Variants in CYP27A1 observed in about 807,000 individuals in gnomAD.
The protein encoded by CYP27A1 is sterol 26-hydroxylase, mitochondrial.
In CYP27A1, 46 loss-of-function variants were observed where a neutral mutation model predicts 58.2. The observed-to-expected ratio is 0.79, with a 90% confidence interval of 0.62 to 1.01. The LOEUF is 1.01. Among genes scored for constraint, CYP27A1 ranks in the 50% least tolerant of loss-of-function variants. The pLI is 0.00. For synonymous variants in CYP27A1, 274 were observed against 285.1 expected (o/e 0.96, Z 0.39); for missense variants, 704 against 687.0 (o/e 1.02, Z -0.28).
chr2:218,793,480 CCT>C (rs1253289778), intron 1 of CYP27A1, among the ~76,000 whole-genome samples: 1 of 152,124 alleles, frequency 6.6e-6, no homozygotes, highest in Admixed American at 6.6e-5. Flanking sequence ...TCTCTTCTTT[CCT>C]CTCTCTTTTT....
chr2:218,799,987 T>A (rs2105975183), intron 1 of CYP27A1, among the ~76,000 whole-genome samples: 1 of 152,264 alleles, frequency 6.6e-6, no homozygotes, highest in African/African-American at 2.4e-5. Context: ...GTCCTGTTCA[T>A]CTTGACGGGG....
Position 218,814,948 on chromosome 2 carries a change from C to T in CYP27A1, c.1514C>T (p.Thr505Met), listed in dbSNP as rs76822427. The change falls in exon 9 of 9, where the codon ACG (threonine) becomes ATG (methionine). Residue 505 changes from threonine (T) to methionine (M), a missense_variant. Physicochemically the swap from Thr to Met is moderately conservative, Grantham distance 81. Coordinates refer to ENST00000258415, the MANE Select transcript of CYP27A1 (RefSeq NM_000784.4). ...TACAAGGTGGTCCTGGCCCCGGAGA[C>T]GGGGGAGTTGAAGAGTGTGGCCCGC... ...QKYKVVLAPETGELKSVARIV... is the reference protein window; with the variant it reads ...QKYKVVLAPEMGELKSVARIV... 67 of 1,614,104 alleles carry T rather than the reference C, an allele frequency of 4.2e-5. No individual in the cohort carries two copies. The highest frequency in any genetic ancestry group is 2.5e-4 in the South Asian group (23 of 91,090).
intron 1 of CYP27A1, among the ~76,000 whole-genome samples, chr2:218,789,984 T>C (rs563526055): frequency 2.0e-5 from 3 of 152,320 alleles, no homozygotes; most frequent in Admixed American, 2.0e-4. Flanking sequence ...AAAGTCTTAG[T>C]TTGATTATGT....
intron 1 of CYP27A1, among the ~76,000 whole-genome samples, chr2:218,798,074 C>T (rs1201511886): frequency 6.6e-6 from 1 of 151,356 alleles, no homozygotes; most frequent in Non-Finnish European, 1.5e-5. Context: ...GTGATCTCGG[C>T]TCACTGTAAC....
intron 1 of CYP27A1, among the ~76,000 whole-genome samples, chr2:218,795,614 A>G (rs1311231516): frequency 6.6e-6 from 1 of 152,182 alleles, no homozygotes; most frequent in East Asian, 1.9e-4. Flanking sequence ...CCAGATTTTT[A>G]CATTATCCAT....
rs766165503 is a variant in CYP27A1 at position 218,815,067 on chromosome 2, C to A, written c.*37C>A. ...GCCTTGCTGGGGCTTGTCCTAGAGG[C>A]TCCAGCTCTGGCACAGTGGTTCCTG... On this transcript the variant is annotated 3_prime_UTR_variant, in exon 9 of 9. Transcript: ENST00000258415. The A allele has an allele frequency of 2.5e-6, 4 of 1,613,686 alleles. No individual in the cohort carries two copies. In the Admixed American group the frequency reaches 5.0e-5, roughly 20 times the overall value.
intron 1 of CYP27A1, among the ~76,000 whole-genome samples, chr2:218,794,919 A>T (rs1398058961): frequency 6.6e-6 from 1 of 152,212 alleles, no homozygotes; most frequent in Non-Finnish European, 1.5e-5. Flanking sequence ...TATCTGGGGT[A>T]CATGAAGAAG....
At chr2:218,811,053 A>G (rs775589771) in intron 2 of CYP27A1, among the ~76,000 whole-genome samples, 1 of 152,214 alleles carries the variant, frequency 6.6e-6, no homozygotes, top group Non-Finnish European at 1.5e-5. Context: ...CAGGAGGCTG[A>G]GGCAGGAGAA....
chr2:218,790,498 C>T (rs1260328398), intron 1 of CYP27A1, among the ~76,000 whole-genome samples: 1 of 152,114 alleles, frequency 6.6e-6, no homozygotes, highest in Non-Finnish European at 1.5e-5. Context: ...TTGTTAATCC[C>T]CTACAACTGA....
intron 1 of CYP27A1, among the ~76,000 whole-genome samples, chr2:218,796,422 C>T (rs998450698): frequency 1.3e-5 from 2 of 152,072 alleles, no homozygotes; most frequent in African/African-American, 4.8e-5. Flanking sequence ...GTGAAACCCC[C>T]GTCTCTACTA....
chr2:218,791,233 A>G (rs1943489949), intron 1 of CYP27A1, among the ~76,000 whole-genome samples: 1 of 152,230 alleles, frequency 6.6e-6, no homozygotes, highest in Admixed American at 6.5e-5. Flanking sequence ...ACCTCCTGGC[A>G]ATGATCTTTT....
At position 218,814,740 on chromosome 2, in the gene CYP27A1, C is replaced by T. The variant is rs1943770060; in HGVS notation, c.1459C>T (p.Gln487Ter). The T allele has an allele frequency of 6.2e-7, 1 of 1,614,132 alleles. No individual in the cohort carries two copies. Among genetic ancestry groups the T allele is most frequent in the Non-Finnish European group, 8.5e-7 (1 of 1,180,040 alleles). The change falls in exon 8 of 9, where the codon CAG becomes TAG. Residue 487 changes from glutamine to a stop codon, truncating the protein, a stop_gained. Transcript: ENST00000258415. LOFTEE classifies it high-confidence loss of function. ...LGRRIAELEM[Q>*]LLLARLIQKY... ...CCGCAGGATTGCAGAGCTGGAGATG[C>T]AGCTACTCCTCGCAAGGGTGAGCTG...
At chr2:218,798,877 G>C (rs1943572852) in intron 1 of CYP27A1, among the ~76,000 whole-genome samples, 1 of 135,722 alleles carries the variant, frequency 7.4e-6, no homozygotes, top group Non-Finnish European at 1.6e-5. Context: ...AGCGAGACTT[G>C]ATCTCAAAAA....
At position 218,814,426 on chromosome 2, in the gene CYP27A1, A is replaced by T. The variant is rs1943764288; in HGVS notation, c.1231A>T (p.Ile411Phe). 1 of 1,614,236 alleles carries T rather than the reference A, an allele frequency of 6.2e-7. No individual in the cohort carries two copies. The highest frequency in any genetic ancestry group is 8.5e-7 in the Non-Finnish European group (1 of 1,180,034). ...AAACTCCCGGATCATAGAAAAGGAA[A>T]TTGAAGTTGATGGCTTCCTCTTCCC... ...PTNSRIIEKE[I>F]EVDGFLFPKN... Residue 411 changes from isoleucine (I) to phenylalanine (F), a missense_variant, in exon 7 of 9, where the codon ATT (isoleucine) becomes TTT (phenylalanine). Physicochemically the swap from Ile to Phe is conservative, Grantham distance 21. Transcript: ENST00000258415.
At chr2:218,801,047 T>A (rs1178158633) in intron 1 of CYP27A1, among the ~76,000 whole-genome samples, 1 of 152,240 alleles carries the variant, frequency 6.6e-6, no homozygotes, top group Non-Finnish European at 1.5e-5. Flanking sequence ...TAGCACTAAA[T>A]GTTTGTGTAC....
At position 218,782,191 on chromosome 2, in the gene CYP27A1, G is replaced by A. The variant is rs971599666; in HGVS notation, c.9G>A (p.Ala3=). The change falls in exon 1 of 9, where the codon GCG becomes GCA. Residue 3 remains alanine (A), a synonymous_variant. Transcript: ENST00000258415. The surrounding 1 kb of genome is among the most constrained non-coding windows in gnomAD (Gnocchi z 4.1). MA[A]LGCARLRWAL... ...GCGCGCGAGCACAACCCATGGCTGC[G>A]CTGGGCTGCGCGAGGCTGAGGTGGG... is the stretch of plus-strand genomic sequence containing the variant. 6.5e-7 allele frequency: 1 copy of A among 1,537,084 alleles called. No individual in the cohort carries two copies. The highest frequency in any genetic ancestry group is 1.4e-5 in the African/African-American group (1 of 72,944).
At chr2:218,810,377 C>G (rs1178920907) in intron 2 of CYP27A1, among the ~76,000 whole-genome samples, 2 of 152,172 alleles carry the variant, frequency 1.3e-5, no homozygotes, top group Non-Finnish European at 2.9e-5. Flanking sequence ...TATGACATGA[C>G]AGCTCAGATT....
chr2:218,802,075 A>G (rs1394849311), intron 1 of CYP27A1, among the ~76,000 whole-genome samples: 1 of 151,540 alleles, frequency 6.6e-6, no homozygotes, highest in Non-Finnish European at 1.5e-5. Context: ...CAAATAATCA[A>G]CTAGTTGCTT....
chr2:218,791,980 C>A (rs1342833273), intron 1 of CYP27A1, among the ~76,000 whole-genome samples: 1 of 151,986 alleles, frequency 6.6e-6, no homozygotes, highest in African/African-American at 2.4e-5. Flanking sequence ...CGAAATGTAC[C>A]TGAAATTTTT....
Sources: gnomAD v4.1 joint callset for allele counts (sites outside exome capture counted in the v4.1 genomes callset) on GRCh38, gnomAD v4.1.1 for gene constraint, Gnocchi (gnomAD v3.1) non-coding constraint, MANE v1.5 for transcripts, NCBI Gene and HGNC (gene_info 2026-07-23, HGNC 2026-07-21) for gene names.